RAPGEF4: variants seen among roughly 807,000 people sequenced by gnomAD.
The protein encoded by RAPGEF4 is Rap guanine nucleotide exchange factor 4, also known as RAP guanine-nucleotide-exchange factor (GEF) 4.
RAPGEF4 carries 66 observed loss-of-function variants against 147.9 expected under a neutral mutation model. That is an observed-to-expected ratio of 0.45 (90% CI 0.37 to 0.55). The LOEUF is 0.55. Ranked by LOEUF, RAPGEF4 falls within the 20% of genes least tolerant of loss-of-function variation. The pLI, the probability that RAPGEF4 is intolerant of heterozygous loss-of-function variation, is 0.00. For missense variants in RAPGEF4, 1,071 were observed against 1,257.3 expected (o/e 0.85, Z 2.24); for synonymous variants, 419 against 442.7 (o/e 0.95, Z 0.67).
At chr2:173,032,880 GCCT>G (rs1697324880) in intron 26 of RAPGEF4, among the ~76,000 whole-genome samples, 1 of 152,214 alleles carries the variant, frequency 6.6e-6, no homozygotes, top group African/African-American at 2.4e-5. Context: ...ACTGTTCAAA[GCCT>G]CCTCCCAGAT....
intron 4 of RAPGEF4, among the ~76,000 whole-genome samples, chr2:172,868,764 C>T (rs1233932743): frequency 2.6e-5 from 4 of 152,216 alleles, no homozygotes; most frequent in African/African-American, 9.7e-5. Context: ...TGAAAGAATA[C>T]CTCAGACTGG....
Position 172,795,128 on chromosome 2 carries a change from T to C in RAPGEF4, c.169T>C (p.Leu57=). ...FHPNLLHQIC[L]CGYYENLEKG... ...CCCAAATCTCCTTCATCAGATTTGCTTATGTGGTTATTATGAGAATCTGGA... is the reference window on the plus strand; with the variant it reads ...CCCAAATCTCCTTCATCAGATTTGCCTATGTGGTTATTATGAGAATCTGGA... The change falls in exon 2 of 31, where the codon TTA becomes CTA. Residue 57 remains leucine, a synonymous_variant. Coordinates refer to ENST00000397081, the MANE Select transcript of RAPGEF4 (RefSeq NM_007023.4). The C allele has an allele frequency of 1.2e-6, 2 of 1,611,720 alleles. No individual in the cohort carries two copies. The highest frequency in any genetic ancestry group is 1.7e-6 in the Non-Finnish European group (2 of 1,177,904).
rs181463198 is a variant in RAPGEF4, at chr2:173,012,631, A to C, written c.1659-1833A>C. On this transcript the variant is annotated intron_variant, in intron 17 of 30. Transcript: ENST00000397081. The stretch of plus-strand genomic sequence containing the variant: ...AGCGTTATTAAATGCGGTAGCTGAA[A>C]GAGAATTTGGAAATGATTTCTTCTC... Among the ~76,000 whole-genome samples, 20 of 152,334 alleles carry C rather than the reference A, an allele frequency of 1.3e-4. No individual in the cohort carries two copies. The East Asian group carries it at 3.9e-3, about 29-fold the overall frequency.
chr2:172,752,675 A>C (rs1211998189), intron 1 of RAPGEF4, among the ~76,000 whole-genome samples: 3 of 152,228 alleles, frequency 2.0e-5, no homozygotes, highest in African/African-American at 7.2e-5. Flanking sequence ...CAGATCATAA[A>C]TAAGGGAGCC....
chr2:172,845,358 G>A (rs1238246599), intron 4 of RAPGEF4, among the ~76,000 whole-genome samples: 1 of 152,184 alleles, frequency 6.6e-6, no homozygotes, highest in Non-Finnish European at 1.5e-5. Context: ...ACAGTTCAGG[G>A]AATGGCCCTG....
chr2:172,931,469 G>A (rs1279252562), intron 6 of RAPGEF4, among the ~76,000 whole-genome samples: 1 of 152,116 alleles, frequency 6.6e-6, no homozygotes, highest in Non-Finnish European at 1.5e-5. Context: ...GAAGACTTCA[G>A]GACAACAAAT....
At chr2:172,843,747 G>C (rs966133767) in intron 4 of RAPGEF4, among the ~76,000 whole-genome samples, 5 of 151,828 alleles carry the variant, frequency 3.3e-5, no homozygotes, top group African/African-American at 4.8e-5. Flanking sequence ...TTGAGATCTA[G>C]ATCTGAGTCA....
chr2:172,890,135 G>T (rs1306805820), intron 4 of RAPGEF4, among the ~76,000 whole-genome samples: 1 of 152,188 alleles, frequency 6.6e-6, no homozygotes. Context: ...AATTTAGAGG[G>T]TTTTTATTTT....
In RAPGEF4 at chr2:173,051,620, G is replaced by T. The variant is rs201149929; in HGVS notation, c.2909-20G>T. 847 of 1,611,010 alleles carry T rather than the reference G, an allele frequency of 5.3e-4. 1 individual carries two copies. Among genetic ancestry groups the T allele is most frequent in the Non-Finnish European group, 6.0e-4 (703 of 1,177,782 alleles). ...ACATATATTACACAATGCCAATTCT[G>T]CCCTTTCCTCTTTCAACAGATCCTG... On this transcript the variant is annotated intron_variant, in intron 30 of 30. Transcript: ENST00000397081.
intron 3 of RAPGEF4, 145 bp from the exon 4 acceptor site, chr2:172,814,134 G>A (rs374547563): frequency 6.1e-5 from 49 of 801,128 alleles, no homozygotes; most frequent in East Asian, 6.0e-4. Context: ...TAATTACTCC[G>A]GTATATATAT....
intron 4 of RAPGEF4, among the ~76,000 whole-genome samples, chr2:172,896,037 CGTT>C (rs1314751165): frequency 1.3e-5 from 2 of 152,312 alleles, no homozygotes; most frequent in East Asian, 3.9e-4. Context: ...ATCATAAAGA[CGTT>C]GTCTGAGAAG....
intron 1 of RAPGEF4, among the ~76,000 whole-genome samples, chr2:172,770,068 G>A (rs1320271970): frequency 6.6e-6 from 1 of 152,136 alleles, no homozygotes; most frequent in African/African-American, 2.4e-5. Flanking sequence ...TGTATTTGGT[G>A]GTGTATGCAT....
intron 15 of RAPGEF4, among the ~76,000 whole-genome samples, chr2:172,996,178 G>A (rs1693340927): frequency 6.6e-6 from 1 of 152,088 alleles, no homozygotes; most frequent in Non-Finnish European, 1.5e-5. Flanking sequence ...AAAGACTGAA[G>A]TTTCTCAGTT....
intron 1 of RAPGEF4, chr2:172,744,498 G>A: frequency 2.2e-6 from 1 of 449,742 alleles, no homozygotes; most frequent in Non-Finnish European, 4.5e-6. Context: ...AAATTTAGGA[G>A]TCAGACTGTA....
At chr2:172,947,768 A>T (rs1242338515) in intron 6 of RAPGEF4, among the ~76,000 whole-genome samples, 1 of 152,140 alleles carries the variant, frequency 6.6e-6, no homozygotes, top group East Asian at 1.9e-4. Flanking sequence ...TTTTTTTGAT[A>T]AGAAGTTCTA....
intron 1 of RAPGEF4, 110 bp downstream of exon 1, chr2:172,736,158 G>C: frequency 2.4e-6 from 2 of 847,906 alleles, no homozygotes; most frequent in South Asian, 3.9e-5. Flanking sequence ...GCGGGTGGCC[G>C]GGGTCCCCGA....
At chr2:172,839,336 C>G (rs1433472239) in intron 4 of RAPGEF4, among the ~76,000 whole-genome samples, 1 of 152,074 alleles carries the variant, frequency 6.6e-6, no homozygotes, top group African/African-American at 2.4e-5. Context: ...AGTCCGTAGA[C>G]AGAGCAGCCC....
chr2:172,876,878 A>G (rs1218937785), intron 4 of RAPGEF4, among the ~76,000 whole-genome samples: 1 of 152,132 alleles, frequency 6.6e-6, no homozygotes, highest in East Asian at 1.9e-4. Flanking sequence ...CTGGACCTGG[A>G]CATTTTTTGG....
At chr2:172,779,403 A>T (rs1361555603) in intron 1 of RAPGEF4, among the ~76,000 whole-genome samples, 1 of 152,184 alleles carries the variant, frequency 6.6e-6, no homozygotes, top group African/African-American at 2.4e-5. Flanking sequence ...AGCTGGGCAG[A>T]TATCTGGGGA....
Sources: gnomAD v4.1 joint callset for allele counts (sites outside exome capture counted in the v4.1 genomes callset) on GRCh38, gnomAD v4.1.1 for gene constraint, MANE v1.5 for transcripts, NCBI Gene and HGNC (gene_info 2026-07-23, HGNC 2026-07-21) for gene names.